The following RMC1 variants were observed in gnomAD, a reference collection of about 807,000 sequenced individuals.
RMC1 encodes the protein regulator of MON1-CCZ1, also known as regulator of MON1-CCZ1 complex.
A neutral mutation model predicts 95.5 loss-of-function variants in RMC1; 44 were observed. The ratio of observed to expected loss-of-function variants is 0.46; its 90% confidence interval spans 0.36 to 0.59. The LOEUF (loss-of-function observed/expected upper bound fraction) is 0.59, where lower values mean the gene tolerates loss of function less well. RMC1 is among the 20% of genes least tolerant of loss of function. RMC1 has a pLI of 0.00. For missense variants in RMC1, 705 were observed against 819.6 expected (o/e 0.86, Z 1.71); for synonymous variants, 320 against 303.6 (o/e 1.05, Z -0.56).
chr18:23,530,182 T>A (rs1303942655), intron 17 of RMC1, 47 bp from the exon 18 acceptor site: 1 of 1,613,980 alleles, frequency 6.2e-7, no homozygotes, highest in Admixed American at 1.7e-5. Flanking sequence ...ATGGAAAATT[T>A]TAACCGTTAT....
chr18:23,524,961 T>C lies in RMC1; in HGVS notation c.1060+479T>C, dbSNP rs1331776095. The stretch of plus-strand genomic sequence containing the variant: ...GAAATCTTTTTTTTTTTTTTTTTTT[T>C]TTTTGAGACGGAGTTTTGCTCGTTG... On this transcript the variant is annotated intron_variant, in intron 12 of 19. Coordinates refer to ENST00000269221, the MANE Select transcript of RMC1 (RefSeq NM_013326.5). 2.0e-5 allele frequency among the ~76,000 whole-genome samples: 3 copies of C among 147,368 alleles called. No homozygotes were observed. In the South Asian group the frequency reaches 6.6e-4, roughly 32 times the overall value.
chr18:23,526,906 A>AC (rs1275797247), intron 13 of RMC1, 141 bp downstream of exon 13: 8 of 1,136,560 alleles, frequency 7.0e-6, no homozygotes, highest in Non-Finnish European at 8.6e-6. Context: ...TGGCTATGTG[A>AC]CCCCCTAGGA....
At chr18:23,507,487 C>T (rs1248691985) in intron 3 of RMC1, among the ~76,000 whole-genome samples, 1 of 152,146 alleles carries the variant, frequency 6.6e-6, no homozygotes, top group Non-Finnish European at 1.5e-5. Flanking sequence ...GTGAATTAGC[C>T]TTTTCATCTC....
At chr18:23,505,242 G>A (rs2057684000) in intron 2 of RMC1, among the ~76,000 whole-genome samples, 1 of 152,106 alleles carries the variant, frequency 6.6e-6, no homozygotes, top group African/African-American at 2.4e-5. Flanking sequence ...TGTATTTTTA[G>A]TAGAGATGGG....
At chr18:23,528,084 T>G (rs561404260) in intron 14 of RMC1, 183 bp downstream of exon 14, 1 of 537,954 alleles carries the variant, frequency 1.9e-6, no homozygotes, top group Non-Finnish European at 3.3e-6. Flanking sequence ...TCAGGGTCCC[T>G]GCATCCCACG....
At chr18:23,524,370 A>C in intron 11 of RMC1, 59 bp from the exon 12 acceptor site, 1 of 1,591,518 alleles carries the variant, frequency 6.3e-7, no homozygotes, top group Non-Finnish European at 8.6e-7. Flanking sequence ...TGCTAGCGGA[A>C]ACTGGGTTTG....
chr18:23,513,293 T>C (rs2057912612), intron 5 of RMC1, among the ~76,000 whole-genome samples: 1 of 152,254 alleles, frequency 6.6e-6, no homozygotes, highest in Non-Finnish European at 1.5e-5. Context: ...AGTGAAATTA[T>C]ACAGTATTTG....
In RMC1 at chr18:23,519,095, T is replaced by C. The variant is rs1268539979; in HGVS notation, c.770T>C (p.Ile257Thr). The C allele has an allele frequency of 1.9e-6, 3 of 1,614,080 alleles. No individual in the cohort carries two copies. Among genetic ancestry groups the C allele is most frequent in the Non-Finnish European group, 2.5e-6 (3 of 1,180,046 alleles). ...PREGACKKMHILKLNRTGKFA... is the reference protein window; with the variant it reads ...PREGACKKMHTLKLNRTGKFA... ...GAAGGTGCCTGTAAAAAGATGCACA[T>C]ATTGAAGTTAAATAGGACGGGAAAG... Residue 257 changes from isoleucine to threonine, a missense_variant, in exon 9 of 20, where the codon ATA (isoleucine) becomes ACA (threonine). Ile to Thr is a moderately conservative substitution (Grantham distance 89). Coordinates refer to ENST00000269221, the MANE Select transcript of RMC1 (RefSeq NM_013326.5).
chr18:23,516,562 G>A, intron 7 of RMC1, 139 bp downstream of exon 7: 4 of 801,058 alleles, frequency 5.0e-6, no homozygotes, highest in Non-Finnish European at 6.1e-6. Flanking sequence ...TGGGTATTCA[G>A]TGTATAGGTC....
chr18:23,511,682 T>C (rs2057862732), intron 5 of RMC1, among the ~76,000 whole-genome samples: 1 of 152,068 alleles, frequency 6.6e-6, no homozygotes, highest in East Asian at 1.9e-4. Flanking sequence ...AAGTGTATCT[T>C]GGACATCTTT....
In RMC1 at chr18:23,529,290, G is replaced by A; in HGVS notation, c.1408G>A (p.Glu470Lys). Reference protein sequence around the residue: ...VYTHVLSAFVEKKEMPHKFVI... With the variant: ...VYTHVLSAFVKKKEMPHKFVI... ...CACCCATGTCCTGTCAGCCTTTGTG[G>A]AAAAGAAGGTGGGCTGCAGCTTTCC... Residue 470 changes from glutamate (E) to lysine (K), a missense_variant, in exon 15 of 20, where the codon GAA becomes AAA. Glu to Lys is a moderately conservative substitution (Grantham distance 56). Transcript: ENST00000269221. The A allele has an allele frequency of 6.2e-7, 1 of 1,610,304 alleles. No homozygotes were observed. Among genetic ancestry groups the A allele is most frequent in the Non-Finnish European group, 8.5e-7 (1 of 1,179,134 alleles).
chr18:23,528,956 C>T (rs571012901), intron 14 of RMC1: 64 of 549,418 alleles, frequency 1.2e-4, no homozygotes, highest in African/African-American at 8.3e-4. Context: ...CTTGGCTCAC[C>T]GCAACCTCTG....
chr18:23,520,140 A>T, intron 9 of RMC1, 62 bp from the exon 10 acceptor site: 1 of 1,288,186 alleles, frequency 7.8e-7, no homozygotes, highest in Non-Finnish European at 1.1e-6. Flanking sequence ...ATGGGATGGA[A>T]TGAAAGCAAC....
chr18:23,530,752 C>T (rs2058471204), intron 19 of RMC1, 140 bp downstream of exon 19: 4 of 740,192 alleles, frequency 5.4e-6, no homozygotes, highest in Non-Finnish European at 6.5e-6. Flanking sequence ...GCCCTTGGCC[C>T]ATTATTTGTA....
intron 7 of RMC1, among the ~76,000 whole-genome samples, chr18:23,518,410 C>T (rs1332173332): frequency 6.6e-6 from 1 of 152,016 alleles, no homozygotes; most frequent in Non-Finnish European, 1.5e-5. Flanking sequence ...GGGAAGATCG[C>T]CAAAGCCTAG....
At chr18:23,510,572 G>A (rs550919855) in intron 5 of RMC1, among the ~76,000 whole-genome samples, 4 of 152,090 alleles carry the variant, frequency 2.6e-5, no homozygotes, top group Non-Finnish European at 4.4e-5. Context: ...GCTTGAACCT[G>A]GAAGGCGGAG....
In RMC1 at chr18:23,529,665, C is replaced by T; in HGVS notation, c.1447C>T (p.Leu483=). 1 of 1,614,078 alleles carries T rather than the reference C, an allele frequency of 6.2e-7. No individual in the cohort carries two copies. Among genetic ancestry groups the T allele is most frequent in the Non-Finnish European group, 8.5e-7 (1 of 1,180,012 alleles). ...EMPHKFVIAV[L]MEYIRSLNQF... ...GCCTCATAAATTTGTGATAGCCGTG[C>T]TGATGGAATACATTCGTTCTCTTAA... The change falls in exon 16 of 20, where the codon CTG becomes TTG. Residue 483 remains leucine (L), a synonymous_variant. Coordinates refer to ENST00000269221, the MANE Select transcript of RMC1 (RefSeq NM_013326.5).
rs2058225847 is a variant in RMC1, at chr18:23,524,145, C to T, written c.977C>T (p.Thr326Ile). 1 of 1,614,088 alleles carries T rather than the reference C, an allele frequency of 6.2e-7. No homozygotes were observed. Among genetic ancestry groups the T allele is most frequent in the Non-Finnish European group, 8.5e-7 (1 of 1,180,042 alleles). Reference protein sequence around the residue: ...QIPITGPAAVTSQSPVPCKLY... With the variant: ...QIPITGPAAVISQSPVPCKLY... The stretch of plus-strand genomic sequence containing the variant: ...CAATTTGTAGGTCCTGCTGCCGTGA[C>T]CAGCCAGTCTCCTGTTCCATGTAAA... Residue 326 changes from threonine (T) to isoleucine (I), a missense_variant, in exon 11 of 20, where the codon ACC becomes ATC. Thr to Ile is a moderately conservative substitution (Grantham distance 89). Transcript: ENST00000269221.
intron 5 of RMC1, among the ~76,000 whole-genome samples, chr18:23,513,965 C>T (rs75601521): frequency 6.6e-6 from 1 of 152,258 alleles, no homozygotes; most frequent in African/African-American, 2.4e-5. Context: ...TCTCCGAATC[C>T]GGAGGTTGCC....
Sources: allele counts gnomAD v4.1 joint callset (sites outside exome capture counted in the v4.1 genomes callset), GRCh38; gene constraint gnomAD v4.1.1; transcripts MANE v1.5; gene names NCBI Gene and HGNC (gene_info 2026-07-23, HGNC 2026-07-21).